Variants in GLB1L2 observed in about 807,000 individuals in gnomAD.
GLB1L2 encodes beta-galactosidase-1-like protein 2.
GLB1L2 carries 68 observed loss-of-function variants against 84.1 expected under a neutral mutation model. That is an observed-to-expected ratio of 0.81 (90% CI 0.67 to 0.99). The LOEUF (loss-of-function observed/expected upper bound fraction) is 0.99. Among genes scored for constraint, GLB1L2 ranks in the 50% least tolerant of loss-of-function variants. The pLI is 0.00. For missense variants in GLB1L2, 762 were observed against 805.6 expected, an observed-to-expected ratio of 0.95 and a Z score of 0.66; for synonymous variants, 290 against 318.0, an observed-to-expected ratio of 0.91 and a Z score of 0.94.
At position 134,364,386 on chromosome 11, in the gene GLB1L2, C is replaced by T. The variant is rs1943837668; in HGVS notation, c.792C>T (p.Leu264=). 4.3e-6 allele frequency: 7 copies of T among 1,613,974 alleles called. No individual in the cohort carries two copies. The highest frequency in any genetic ancestry group is 5.9e-6 in the Non-Finnish European group (7 of 1,179,848). Residue 264 remains leucine (L), a synonymous_variant, in exon 8 of 19, where the codon CTC becomes CTT. Coordinates refer to ENST00000535456, the MANE Select transcript of GLB1L2 (RefSeq NM_001370461.1). ...AGCTGCAGCTACTGACCACCTTTCT[C>T]TTCAACGTCCAGGTAAGTCCAGCCC... ...THELQLLTTF[L]FNVQGTQPKM...
chr11:134,345,212 C>G, intron 4 of GLB1L2, 83 bp downstream of exon 4: 2 of 1,222,720 alleles, frequency 1.6e-6, no homozygotes, highest in African/African-American at 1.7e-5. Flanking sequence ...GTTCCAGTTC[C>G]CATTCTGTAC....
At chr11:134,360,154 G>C (rs929824721) in intron 7 of GLB1L2, 4 of 152,292 alleles carry the variant, frequency 2.6e-5, no homozygotes, top group African/African-American at 9.6e-5. Flanking sequence ...CCCTCCCATC[G>C]TTGCAGCGGG....
intron 3 of GLB1L2, among the ~76,000 whole-genome samples, 198 bp from the exon 4 acceptor site, chr11:134,344,836 G>T (rs576644198): frequency 3.9e-5 from 6 of 152,250 alleles, no homozygotes; most frequent in Admixed American, 3.9e-4. Flanking sequence ...TCAGGCCCCC[G>T]ATGGGGCTGT....
rs1258656186 is a variant in GLB1L2 at position 134,371,027 on chromosome 11, C to T, written c.1235C>T (p.Pro412Leu). 4 of 1,614,176 alleles carry T rather than the reference C, an allele frequency of 2.5e-6. No individual in the cohort carries two copies. Among genetic ancestry groups the T allele is most frequent in the Non-Finnish European group, 3.4e-6 (4 of 1,180,036 alleles). The change falls in exon 13 of 19, where the codon CCC becomes CTC. Residue 412 changes from proline (P) to leucine (L), a missense_variant. Around this residue, in one of 3 missense-constraint regions of GLB1L2, gnomAD observed 603 missense variants for 611.7 expected, o/e 0.99. Transcript: ENST00000535456. Reference protein sequence around the residue: ...YLGEPIKSEKPINMENLPVNG... With the variant: ...YLGEPIKSEKLINMENLPVNG... ...ACGCAGCCAATCAAGTCTGAAAAGCCCATCAACATGGAGAACCTGCCAGTC... is the reference window on the plus strand; with the variant it reads ...ACGCAGCCAATCAAGTCTGAAAAGCTCATCAACATGGAGAACCTGCCAGTC...
chr11:134,371,736 C>T lies in GLB1L2; in HGVS notation c.1429-16C>T, dbSNP rs367594477. The T allele has an allele frequency of 9.3e-6, 15 of 1,613,382 alleles. No homozygotes were observed. Among genetic ancestry groups the T allele is most frequent in the Non-Finnish European group, 1.2e-5 (14 of 1,179,682 alleles). On this transcript the variant is annotated splice_polypyrimidine_tract_variant and intron_variant, in intron 14 of 18. Transcript: ENST00000535456. ...TGGCCTTCTGACAGTCATCGTTAGC[C>T]CCGTGTTCCCGGCAGGGTTACACCG... is the stretch of plus-strand genomic sequence containing the variant.
At chr11:134,341,326 A>G (rs1351061375) in intron 1 of GLB1L2, among the ~76,000 whole-genome samples, 1 of 152,036 alleles carries the variant, frequency 6.6e-6, no homozygotes, top group Non-Finnish European at 1.5e-5. Context: ...GAGGCATTAG[A>G]CTCGTTTTAT....
At chr11:134,374,110 C>G in intron 16 of GLB1L2, 35 bp from the exon 17 acceptor site, 5 of 1,457,386 alleles carry the variant, frequency 3.4e-6, no homozygotes, top group Non-Finnish European at 4.8e-6. Flanking sequence ...TTGAGAAGGG[C>G]CTCCTCCCTC....
intron 6 of GLB1L2, among the ~76,000 whole-genome samples, chr11:134,357,075 G>A (rs1302461038): frequency 2.6e-5 from 4 of 152,146 alleles, no homozygotes; most frequent in Non-Finnish European, 4.4e-5. Context: ...CTAGTAAGTC[G>A]TCAATAAATA....
chr11:134,366,804 G>A (rs917880570), intron 8 of GLB1L2, among the ~76,000 whole-genome samples: 1 of 134,830 alleles, frequency 7.4e-6, no homozygotes, highest in African/African-American at 2.7e-5. Context: ...CTTGAAGAGG[G>A]CCCACTCTGC....
At chr11:134,352,775 G>C (rs994068773) in intron 5 of GLB1L2, among the ~76,000 whole-genome samples, 1 of 151,696 alleles carries the variant, frequency 6.6e-6, no homozygotes, top group African/African-American at 2.4e-5. Context: ...ACCCTCCCAA[G>C]TAGCTGGGAT....
intron 10 of GLB1L2, 73 bp from the exon 11 acceptor site, chr11:134,369,732 T>C: frequency 7.3e-7 from 1 of 1,360,750 alleles, no homozygotes; most frequent in Admixed American, 1.9e-5. Flanking sequence ...CTTCCAAGCT[T>C]CTCCCTGTTC....
At position 134,347,331 on chromosome 11, in the gene GLB1L2, A is replaced by G; in HGVS notation, c.456A>G (p.Leu152=). The change falls in exon 5 of 19, where the codon CTA becomes CTG. Residue 152 remains leucine (L), a synonymous_variant. Coordinates refer to ENST00000535456, the MANE Select transcript of GLB1L2 (RefSeq NM_001370461.1). ...EMDLGGLPSW[L]LQDPGMRLRT... ...CCCCCGTTTACACTTCAAGCTGGCTACTCCAAGACCCTGGCATGAGGCTGA... is the reference window on the plus strand; with the variant it reads ...CCCCCGTTTACACTTCAAGCTGGCTGCTCCAAGACCCTGGCATGAGGCTGA... The G allele has an allele frequency of 1.2e-6, 2 of 1,613,024 alleles. No individual in the cohort carries two copies. The highest frequency in any genetic ancestry group is 1.7e-6 in the Non-Finnish European group (2 of 1,179,072).
intron 5 of GLB1L2, among the ~76,000 whole-genome samples, chr11:134,352,733 C>T (rs551737481): frequency 2.0e-5 from 3 of 151,730 alleles, no homozygotes; most frequent in Non-Finnish European, 2.9e-5. Context: ...CTACAACGTC[C>T]GCCTCCCAGG....
At chr11:134,342,078 G>C (rs1943471502) in intron 1 of GLB1L2, among the ~76,000 whole-genome samples, 1 of 152,016 alleles carries the variant, frequency 6.6e-6, no homozygotes, top group Non-Finnish European at 1.5e-5. Context: ...TCGGGAGACA[G>C]GGTGGGAAGG....
chr11:134,335,392 C>T (rs1024585419), intron 1 of GLB1L2, among the ~76,000 whole-genome samples: 44 of 152,126 alleles, frequency 2.9e-4, no homozygotes, highest in African/African-American at 1.0e-3. Flanking sequence ...ATGGAATGTT[C>T]AAACTCTTTG....
intron 9 of GLB1L2, among the ~76,000 whole-genome samples, chr11:134,368,097 G>A (rs535535257): frequency 4.6e-5 from 7 of 152,310 alleles, no homozygotes; most frequent in South Asian, 2.1e-4. Context: ...CAGCAACACC[G>A]AGTATTAAAA....
chr11:134,371,785 C>A lies in GLB1L2; in HGVS notation c.1462C>A (p.Arg488Ser), dbSNP rs760777420. 4 of 1,613,950 alleles carry A rather than the reference C, an allele frequency of 2.5e-6. No homozygotes were observed. The African/African-American group carries it at 4.0e-5, about 16-fold the overall frequency. ...CGTGCTGAGGATCTTGGTGGAGAAT[C>A]GTGGGCGAGTCAACTATGGGGAGAA... Reference protein sequence around the residue: ...YTVLRILVENRGRVNYGENID... With the variant: ...YTVLRILVENSGRVNYGENID... The change falls in exon 15 of 19, where the codon CGT becomes AGT. Residue 488 changes from arginine to serine, a missense_variant. By Grantham distance (110) the Arg-to-Ser change is moderately radical. Coordinates refer to ENST00000535456, the MANE Select transcript of GLB1L2 (RefSeq NM_001370461.1).
intron 10 of GLB1L2, 58 bp downstream of exon 10, chr11:134,368,839 T>C: frequency 6.3e-7 from 1 of 1,590,032 alleles, no homozygotes; most frequent in Non-Finnish European, 8.6e-7. Context: ...TGGCTGGGAC[T>C]TGCTATGGAG....
chr11:134,364,499 G>A, intron 8 of GLB1L2, 101 bp downstream of exon 8: 2 of 985,206 alleles, frequency 2.0e-6, no homozygotes, highest in Non-Finnish European at 1.6e-6. Context: ...GCAGGGAGCT[G>A]GACTCAGGGC....
Sources: allele counts gnomAD v4.1 joint callset (sites outside exome capture counted in the v4.1 genomes callset), GRCh38; gene constraint gnomAD v4.1.1; regional missense constraint gnomAD v4.1.1; transcripts MANE v1.5; gene names NCBI Gene and HGNC (gene_info 2026-07-23, HGNC 2026-07-21).